SLC38A6: variants seen among roughly 807,000 people sequenced by gnomAD.
SLC38A6 encodes the protein N system amino acid transporter NAT-1.
SLC38A6 carries 73 observed loss-of-function variants against 65.0 expected under a neutral mutation model. That is an observed-to-expected ratio of 1.12 (90% CI 0.93 to 1.37). The LOEUF (loss-of-function observed/expected upper bound fraction) is 1.37. Among genes scored for constraint, SLC38A6 ranks in the 40% most tolerant of loss-of-function variants. SLC38A6 has a pLI of 0.00. For synonymous variants in SLC38A6, 183 were observed against 178.8 expected (o/e 1.02, Z -0.19); for missense variants, 561 against 531.1 (o/e 1.06, Z -0.55).
At chr14:61,000,488 G>A (rs1022409577) in intron 3 of SLC38A6, among the ~76,000 whole-genome samples, 2 of 152,116 alleles carry the variant, frequency 1.3e-5, no homozygotes, top group African/African-American at 4.8e-5. Flanking sequence ...AAAATTAGCC[G>A]GGCGTGATGG....
intron 3 of SLC38A6, among the ~76,000 whole-genome samples, chr14:61,001,579 C>T (rs1029999876): frequency 6.6e-6 from 1 of 152,160 alleles, no homozygotes; most frequent in African/African-American, 2.4e-5. Flanking sequence ...ACCCATTCTT[C>T]CCTAGTTTTA....
At chr14:61,039,524 ATTTTTT>A (rs5809078) in intron 8 of SLC38A6, among the ~76,000 whole-genome samples, 1 of 130,622 alleles carries the variant, frequency 7.7e-6, no homozygotes, top group Admixed American at 8.0e-5. Flanking sequence ...GTGCATGCTA[ATTTTTT>A]TTTTTTTTTT....
chr14:61,058,097 G>T (rs2042770799), intron 15 of SLC38A6, among the ~76,000 whole-genome samples: 1 of 117,050 alleles, frequency 8.5e-6, no homozygotes, highest in African/African-American at 3.3e-5. Flanking sequence ...ATTTTTTGAA[G>T]GGTTTTTTGT....
At chr14:61,019,393 AT>A (rs1244814322) in intron 4 of SLC38A6, 147 bp from the exon 5 acceptor site, 2 of 613,746 alleles carry the variant, frequency 3.3e-6, no homozygotes, top group African/African-American at 1.8e-5. Context: ...AATTTTATGT[AT>A]TTCAAATGAC....
chr14:61,023,758 G>GA (rs1176582464), intron 5 of SLC38A6, among the ~76,000 whole-genome samples: 1 of 151,714 alleles, frequency 6.6e-6, no homozygotes, highest in Non-Finnish European at 1.5e-5. Context: ...GAAAAAAATT[G>GA]AAATGGAAGG....
At chr14:61,031,981 C>T (rs1211413006) in intron 6 of SLC38A6, among the ~76,000 whole-genome samples, 1 of 151,682 alleles carries the variant, frequency 6.6e-6, no homozygotes, top group Non-Finnish European at 1.5e-5. Context: ...ATTGCCTTCT[C>T]AATAAAGTTG....
chr14:61,071,566 G>C (rs1037806778), intron 15 of SLC38A6, among the ~76,000 whole-genome samples: 1 of 151,790 alleles, frequency 6.6e-6, no homozygotes, highest in African/African-American at 2.4e-5. Flanking sequence ...GCCATAGTCC[G>C]AGCTACTTGC....
Position 61,037,692 on chromosome 14 carries a change from A to G in SLC38A6, c.624+9A>G. 1 of 1,536,968 alleles carries G rather than the reference A, an allele frequency of 6.5e-7. No homozygotes were observed. The highest frequency in any genetic ancestry group is 1.8e-5 in the Admixed American group (1 of 57,048). On this transcript the variant is annotated intron_variant, in intron 8 of 15. Coordinates refer to ENST00000267488, the MANE Select transcript of SLC38A6 (RefSeq NM_153811.3). ...TGTTCTTTGCTCTTGTGGTAAGTTT[A>G]AAATATAATACATTGCTTATCTCCT...
At chr14:61,077,380 G>A (rs955287896) in intron 15 of SLC38A6, among the ~76,000 whole-genome samples, 1 of 152,152 alleles carries the variant, frequency 6.6e-6, no homozygotes, top group Non-Finnish European at 1.5e-5. Flanking sequence ...TGATGACCTA[G>A]TTGACTCTTT....
chr14:61,000,096 C>T (rs2038599012), intron 3 of SLC38A6, among the ~76,000 whole-genome samples: 1 of 152,092 alleles, frequency 6.6e-6, no homozygotes, highest in Non-Finnish European at 1.5e-5. Flanking sequence ...AAGTTCCAAA[C>T]AAAACAAATT....
chr14:61,051,814 T>C lies in SLC38A6; in HGVS notation c.1078T>C (p.Phe360Leu). 6.2e-7 allele frequency: 1 copy of C among 1,612,404 alleles called. No individual in the cohort carries two copies. Among genetic ancestry groups the C allele is most frequent in the Non-Finnish European group, 8.5e-7 (1 of 1,179,376 alleles). The part of the protein sequence containing the change: ...PARKAVTMMF[F>L]SNFPFSWIRH... Reference sequence around the variant, plus strand: ...CAGAAAAGCTGTAACAATGATGTTTTTCTCCAATTTTCCATTCTCATGGAT... The same window carrying C: ...CAGAAAAGCTGTAACAATGATGTTTCTCTCCAATTTTCCATTCTCATGGAT... The change falls in exon 14 of 16, where the codon TTC becomes CTC. Residue 360 changes from phenylalanine to leucine, a missense_variant. Phe to Leu is a conservative substitution (Grantham distance 22). Transcript: ENST00000267488.
At chr14:61,069,613 C>T (rs1362933434) in intron 15 of SLC38A6, among the ~76,000 whole-genome samples, 1 of 152,102 alleles carries the variant, frequency 6.6e-6, no homozygotes, top group African/African-American at 2.4e-5. Context: ...TCTTCAACAC[C>T]CAGCTCAAAT....
At chr14:60,981,407 C>G (rs112283719) in intron 1 of SLC38A6, 25 bp downstream of exon 1, 3 of 1,564,598 alleles carry the variant, frequency 1.9e-6, no homozygotes, top group African/African-American at 1.4e-5. Flanking sequence ...TTCGCTTCCC[C>G]GCGCTGACGC....
intron 7 of SLC38A6, among the ~76,000 whole-genome samples, chr14:61,037,362 C>A (rs757503869): frequency 2.6e-5 from 4 of 152,084 alleles, no homozygotes; most frequent in Non-Finnish European, 5.9e-5. Flanking sequence ...TTTTGTCTGC[C>A]CCACTAAAAT....
At chr14:61,062,941 A>C (rs951814332) in intron 15 of SLC38A6, among the ~76,000 whole-genome samples, 12 of 152,204 alleles carry the variant, frequency 7.9e-5, no homozygotes, top group Admixed American at 2.6e-4. Context: ...AGCCTCCCAA[A>C]GTGCTGAGAT....
In SLC38A6 at chr14:61,013,664, T is replaced by G. The variant is rs185375792; in HGVS notation, c.311-2240T>G. On this transcript the variant is annotated intron_variant, in intron 3 of 15. Coordinates refer to ENST00000267488, the MANE Select transcript of SLC38A6 (RefSeq NM_153811.3). The stretch of plus-strand genomic sequence containing the variant: ...TATGAAGCTTAGTTTGGCTGGATAT[T>G]AAATTCTGGGTTGAAAATTCTTTTC... 3.7e-3 allele frequency among the ~76,000 whole-genome samples: 560 copies of G among 152,300 alleles called. 3 individuals are homozygous for G. Among genetic ancestry groups the G allele is most frequent in the Non-Finnish European group, 4.1e-3 (279 of 68,026 alleles).
At chr14:61,025,576 C>T (rs908200429) in intron 5 of SLC38A6, among the ~76,000 whole-genome samples, 1 of 151,920 alleles carries the variant, frequency 6.6e-6, no homozygotes, top group African/African-American at 2.4e-5. Flanking sequence ...GGTAGTGTAT[C>T]TTTTTTAAGG....
intron 2 of SLC38A6, among the ~76,000 whole-genome samples, chr14:60,984,055 G>C (rs531590766): frequency 2.6e-5 from 4 of 152,210 alleles, no homozygotes; most frequent in African/African-American, 7.2e-5. Context: ...ATAGAAGCTT[G>C]TCCTGCTGGT....
In SLC38A6 at chr14:61,046,167, G is replaced by A. The variant is rs750551715; in HGVS notation, c.925G>A (p.Asp309Asn). The A allele has an allele frequency of 1.9e-6, 3 of 1,559,378 alleles. No individual in the cohort carries two copies. The highest frequency in any genetic ancestry group is 4.5e-5 in the East Asian group (2 of 44,496). The change falls in exon 12 of 16, where the codon GAC becomes AAC. Residue 309 changes from aspartate to asparagine, a missense_variant and splice_region_variant. Physicochemically the swap from Asp to Asn is conservative, Grantham distance 23. Coordinates refer to ENST00000267488, the MANE Select transcript of SLC38A6 (RefSeq NM_153811.3). ...SALFGYLTFY[D>N]KVESELLKGY... ...ACTCTTTGGGTACCTCACTTTTTAT[G>A]GTAAGTACATTTTAAAATTATAGAT...
Sources: allele counts gnomAD v4.1 joint callset (sites outside exome capture counted in the v4.1 genomes callset), GRCh38; gene constraint gnomAD v4.1.1; transcripts MANE v1.5; gene names NCBI Gene and HGNC (gene_info 2026-07-23, HGNC 2026-07-21).